Variants in MIPEP observed in about 807,000 individuals in gnomAD.
MIPEP encodes the protein mitochondrial intermediate peptidase.
Under a neutral mutation model 90.3 loss-of-function variants are expected in MIPEP, and 79 were observed. The ratio of observed to expected loss-of-function variants is 0.87; its 90% confidence interval spans 0.73 to 1.05. The LOEUF (loss-of-function observed/expected upper bound fraction) is 1.05. MIPEP is among the 50% of genes least tolerant of loss of function. MIPEP has a pLI of 0.00. For missense variants in MIPEP, 940 were observed against 905.6 expected, an observed-to-expected ratio of 1.04 and a Z score of -0.49; for synonymous variants, 334 against 315.8, an observed-to-expected ratio of 1.06 and a Z score of -0.61.
intron 16 of MIPEP, among the ~76,000 whole-genome samples, chr13:23,764,415 C>T (rs973940354): frequency 1.3e-5 from 2 of 152,094 alleles, no homozygotes; most frequent in Non-Finnish European, 2.9e-5. Context: ...TTTCCAGGGC[C>T]GGAAATGGAA....
rs79338331 is a variant in MIPEP, at chr13:23,788,749, A to C, written c.1848+17201T>G. 5.7e-3 allele frequency among the ~76,000 whole-genome samples: 871 copies of C among 152,360 alleles called. 10 individuals are homozygous for C. The highest frequency in any genetic ancestry group is 0.02 in the African/African-American group (817 of 41,582). ...TGTTTTTGTACATGTTATGATGATC[A>C]GTTCACCAAGCTTTATTGGATTTCT... On this transcript the variant is annotated intron_variant, in intron 16 of 18. Transcript: ENST00000382172.
chr13:23,832,491 T>TA lies in MIPEP; in HGVS notation c.1653+3748dup, dbSNP rs574527924. On this transcript the variant is annotated intron_variant, in intron 14 of 18. Transcript: ENST00000382172. ...CACTTTCAGAGAATGATCAAAACAT[T>TA]AAAAAAAAGAAAGTTGCATCTTAGA... 4.4e-4 allele frequency among the ~76,000 whole-genome samples: 67 copies of TA among 151,642 alleles called. 1 individual carries two copies. Among genetic ancestry groups the TA allele is most frequent in the Non-Finnish European group, 7.7e-4 (52 of 67,846 alleles).
intron 16 of MIPEP, among the ~76,000 whole-genome samples, chr13:23,766,313 A>G (rs1232945326): frequency 6.6e-6 from 1 of 152,218 alleles, no homozygotes; most frequent in Non-Finnish European, 1.5e-5. Flanking sequence ...TAGAGACTCT[A>G]AACAAACAAT....
chr13:23,780,139 A>C (rs1223702148), intron 16 of MIPEP, among the ~76,000 whole-genome samples: 1 of 152,206 alleles, frequency 6.6e-6, no homozygotes, highest in Non-Finnish European at 1.5e-5. Context: ...GAGATCTGAG[A>C]ACGGACAGAC....
At chr13:23,731,968 A>AT (rs57109674) in intron 18 of MIPEP, among the ~76,000 whole-genome samples, 35,409 of 97,610 alleles carry the variant, frequency 0.36, 7,806 homozygotes, top group Non-Finnish European at 0.47. Context: ...AGAATAGCTA[A>AT]TTTTTTTTTT....
chr13:23,730,334 G>T lies in MIPEP; in HGVS notation c.*14C>A. On this transcript the variant is annotated 3_prime_UTR_variant, in exon 19 of 19. Transcript: ENST00000382172. ...TCTACATGACCTTGATTTAAGAGGT[G>T]TAGAGTGTTTCTTTTATTCAGAATC... is the stretch of plus-strand genomic sequence containing the variant. The T allele has an allele frequency of 6.5e-7, 1 of 1,549,670 alleles. No homozygotes were observed. The highest frequency in any genetic ancestry group is 8.9e-7 in the Non-Finnish European group (1 of 1,124,418).
chr13:23,866,451 G>A (rs375792346), intron 7 of MIPEP, among the ~76,000 whole-genome samples: 1 of 152,102 alleles, frequency 6.6e-6, no homozygotes. Flanking sequence ...TCTGGAGCTG[G>A]GTGCTGCAGG....
At chr13:23,842,259 T>C (rs1869329207) in intron 10 of MIPEP, 1 of 151,346 alleles carries the variant, frequency 6.6e-6, no homozygotes, top group Admixed American at 6.6e-5. Context: ...AAAATACACA[T>C]TTTTTTTTCA....
At chr13:23,783,822 G>C (rs9510857) in intron 16 of MIPEP, among the ~76,000 whole-genome samples, 31,760 of 152,046 alleles carry the variant, frequency 0.21, 3,941 homozygotes, top group East Asian at 0.43. Flanking sequence ...CAAACAGAGA[G>C]CCAAATCATG....
At chr13:23,813,742 G>A (rs1358715815) in intron 14 of MIPEP, among the ~76,000 whole-genome samples, 2 of 152,074 alleles carry the variant, frequency 1.3e-5, no homozygotes, top group East Asian at 1.9e-4. Flanking sequence ...TAAGACTACA[G>A]GCATGAGCCA....
intron 14 of MIPEP, among the ~76,000 whole-genome samples, chr13:23,812,771 A>C (rs1017227165): frequency 2.6e-5 from 4 of 152,212 alleles, no homozygotes; most frequent in African/African-American, 9.6e-5. Flanking sequence ...TTGTTTTTGC[A>C]ACTTTCTGTG....
At chr13:23,855,178 T>A (rs1317864875) in intron 10 of MIPEP, among the ~76,000 whole-genome samples, 2 of 152,198 alleles carry the variant, frequency 1.3e-5, no homozygotes, top group Non-Finnish European at 2.9e-5. Context: ...TAAAATAATT[T>A]ATTTTTGTAT....
intron 18 of MIPEP, among the ~76,000 whole-genome samples, chr13:23,751,394 G>A (rs975873839): frequency 6.6e-6 from 1 of 152,148 alleles, no homozygotes; most frequent in East Asian, 1.9e-4. Flanking sequence ...AGTCTGATGC[G>A]AAAAAACAAA....
At chr13:23,780,989 G>GA (rs1952776513) in intron 16 of MIPEP, among the ~76,000 whole-genome samples, 1 of 152,220 alleles carries the variant, frequency 6.6e-6, no homozygotes, top group East Asian at 1.9e-4. Context: ...TGGTGTACCT[G>GA]AAAGTGACGG....
At chr13:23,756,710 T>C (rs1275017803) in intron 17 of MIPEP, 92 bp from the exon 18 acceptor site, 10 of 1,254,514 alleles carry the variant, frequency 8.0e-6, no homozygotes, top group African/African-American at 3.0e-5. Context: ...ACTGATGCCA[T>C]ATTCATAAAA....
intron 14 of MIPEP, among the ~76,000 whole-genome samples, chr13:23,833,808 T>C (rs1332898081): frequency 1.3e-5 from 2 of 152,144 alleles, no homozygotes; most frequent in Non-Finnish European, 2.9e-5. Context: ...TCCCACGCCC[T>C]GTGTTCGCGC....
At chr13:23,753,429 C>T in intron 18 of MIPEP, among the ~76,000 whole-genome samples, 1 of 152,154 alleles carries the variant, frequency 6.6e-6, no homozygotes, top group East Asian at 1.9e-4. Flanking sequence ...CTGTTTTAAC[C>T]ACTATTATGT....
Position 23,760,222 on chromosome 13 carries a change from C to A in MIPEP, c.1849-5G>T. On this transcript the variant is annotated splice_region_variant and splice_polypyrimidine_tract_variant and intron_variant, in intron 16 of 18. Transcript: ENST00000382172. Reference sequence around the variant, plus strand: ...GCTGAATCGCAGCTGCCAGGCCTGCCAAGAACAGAGAGACACAGCACGGGA... The same window carrying A: ...GCTGAATCGCAGCTGCCAGGCCTGCAAAGAACAGAGAGACACAGCACGGGA... 6.8e-6 allele frequency: 11 copies of A among 1,613,920 alleles called. No individual in the cohort carries two copies. Among genetic ancestry groups the A allele is most frequent in the Non-Finnish European group, 9.3e-6 (11 of 1,179,974 alleles).
At chr13:23,877,361 A>C (rs917245630) in intron 4 of MIPEP, among the ~76,000 whole-genome samples, 1 of 152,166 alleles carries the variant, frequency 6.6e-6, no homozygotes, top group Non-Finnish European at 1.5e-5. Context: ...TCCCAAGTTC[A>C]TTCCAACGTG....
Sources: gnomAD v4.1 joint callset for allele counts (sites outside exome capture counted in the v4.1 genomes callset) on GRCh38, gnomAD v4.1.1 for gene constraint, MANE v1.5 for transcripts, NCBI Gene and HGNC (gene_info 2026-07-23, HGNC 2026-07-21) for gene names.